Variants in ZNF395 observed in about 807,000 individuals in gnomAD.
ZNF395 encodes the protein zinc finger protein 395, also known as HD gene regulatory region-binding protein 2.
ZNF395 carries 20 observed loss-of-function variants against 57.7 expected under a neutral mutation model. The ratio of observed to expected loss-of-function variants is 0.35; its 90% CI spans 0.24 to 0.50. The LOEUF is 0.50. ZNF395 is among the 20% of genes least tolerant of loss of function. The probability of loss-of-function intolerance (pLI) is 0.97; values close to 1 mark genes in which losing one functional copy is unlikely to be tolerated. For missense variants in ZNF395, 606 were observed against 671.2 expected, an observed-to-expected ratio of 0.90 and a Z score of 1.07; for synonymous variants, 295 against 275.9, an observed-to-expected ratio of 1.07 and a Z score of -0.69.
chr8:28,358,751 A>G (rs541828074), intron 3 of ZNF395, among the ~76,000 whole-genome samples: 2 of 152,332 alleles, frequency 1.3e-5, no homozygotes, highest in African/African-American at 4.8e-5. Context: ...TAAAAGAAGG[A>G]TATAATTTCT....
chr8:28,384,602 G>GA (rs1563344804), intron 1 of ZNF395, among the ~76,000 whole-genome samples: 1 of 152,080 alleles, frequency 6.6e-6, no homozygotes, highest in Non-Finnish European at 1.5e-5. Context: ...CTCTCTCCCC[G>GA]AGACAGGTAT....
At position 28,352,658 on chromosome 8, in the gene ZNF395, T is replaced by A. The variant is rs988418644; in HGVS notation, c.835A>T (p.Met279Leu). 3 of 1,613,946 alleles carry A rather than the reference T, an allele frequency of 1.9e-6. No homozygotes were observed. Among genetic ancestry groups the A allele is most frequent in the Admixed American group, 1.7e-5 (1 of 60,002 alleles). Residue 279 changes from methionine (M) to leucine (L), a missense_variant, in exon 6 of 10, where the codon ATG (methionine) becomes TTG (leucine). Met to Leu is a conservative substitution (Grantham distance 15). Around this residue, in one of 3 missense-constraint regions of ZNF395, gnomAD observed 309 missense variants for 374.7 expected, o/e 0.82. Transcript: ENST00000344423. The surrounding 1 kb of genome is among the most constrained non-coding windows in gnomAD (Gnocchi z 4.0). ...PRKRKNSVKV[M>L]YKCLWPNCGK... is the part of the protein sequence containing the mutation. Reference sequence around the variant, plus strand: ...CAGTTTGGCCACAGGCACTTGTACATCACCTTCACAGAGTTCTACAGGAAA... The same window carrying A: ...CAGTTTGGCCACAGGCACTTGTACAACACCTTCACAGAGTTCTACAGGAAA...
At chr8:28,380,731 A>G (rs573315020) in intron 1 of ZNF395, among the ~76,000 whole-genome samples, 36 of 152,348 alleles carry the variant, frequency 2.4e-4, no homozygotes, top group Non-Finnish European at 4.6e-4. Flanking sequence ...AAACCACCAT[A>G]TAAGACAGGA....
intron 1 of ZNF395, among the ~76,000 whole-genome samples, chr8:28,381,147 T>C (rs763931453): frequency 1.3e-5 from 2 of 151,954 alleles, no homozygotes; most frequent in East Asian, 3.9e-4. Flanking sequence ...GTTCATGCCA[T>C]TCTCTTGCCT....
intron 7 of ZNF395, among the ~76,000 whole-genome samples, chr8:28,350,427 C>T (rs531783711): frequency 6.6e-6 from 1 of 152,298 alleles, no homozygotes; most frequent in African/African-American, 2.4e-5. Context: ...ACTTAATCAC[C>T]GCAGAAGATT....
intron 1 of ZNF395, among the ~76,000 whole-genome samples, chr8:28,373,367 T>C (rs1375619128): frequency 6.6e-6 from 1 of 152,234 alleles, no homozygotes; most frequent in East Asian, 1.9e-4. Flanking sequence ...GAGATAGAGA[T>C]GAAGGCCAGA....
At position 28,356,838 on chromosome 8, in the gene ZNF395, T is replaced by C; in HGVS notation, c.474-59A>G. On this transcript the variant is annotated intron_variant, in intron 3 of 9. Coordinates refer to ENST00000344423, the MANE Select transcript of ZNF395 (RefSeq NM_018660.3). This position sits in a 1 kb window ranked among gnomAD's most constrained non-coding sequence, Gnocchi z 4.0. Reference sequence around the variant, plus strand: ...TCCTGGCATGGCGGGCCCATGGTCCTTGCAAAACGAGACACCACTTCTGGC... The same window carrying C: ...TCCTGGCATGGCGGGCCCATGGTCCCTGCAAAACGAGACACCACTTCTGGC... 1 of 1,392,132 alleles carries C rather than the reference T, an allele frequency of 7.2e-7. No individual in the cohort carries two copies. The highest frequency in any genetic ancestry group is 9.9e-7 in the Non-Finnish European group (1 of 1,009,410). 86.2% of individuals were successfully genotyped at this position (1,392,132 alleles called of 1,614,324 possible).
At position 28,359,648 on chromosome 8, in the gene ZNF395, G is replaced by A. The variant is rs1220985561; in HGVS notation, c.417C>T (p.Pro139=). The change falls in exon 3 of 10, where the codon CCC becomes CCT. Residue 139 remains proline (P), a synonymous_variant. Transcript: ENST00000344423. The surrounding 1 kb of genome is among the most constrained non-coding windows in gnomAD (Gnocchi z 4.7). ...GCCTGTAGGCCAGGGCCTGGGCTCC[G>A]GGCTCCAGGGGTGGTGCCTGGGGAC... ...GPCPQAPPLE[P]GAQALAYRPV... 1.5e-5 allele frequency: 24 copies of A among 1,612,756 alleles called. No homozygotes were observed. Among genetic ancestry groups the A allele is most frequent in the African/African-American group, 4.0e-5 (3 of 74,870 alleles).
At chr8:28,353,475 A>G (rs780811598) in intron 4 of ZNF395, 67 bp from the exon 5 acceptor site, 3 of 1,280,068 alleles carry the variant, frequency 2.3e-6, no homozygotes, top group Non-Finnish European at 3.2e-6. Context: ...CTCCCTTCTG[A>G]GCTTCGGTAA....
At chr8:28,384,340 C>T (rs1802145278) in intron 1 of ZNF395, among the ~76,000 whole-genome samples, 1 of 152,206 alleles carries the variant, frequency 6.6e-6, no homozygotes, top group Non-Finnish European at 1.5e-5. Flanking sequence ...AGGACATCTC[C>T]TTGTCTCTCT....
chr8:28,357,937 T>C (rs1801800563), intron 3 of ZNF395, among the ~76,000 whole-genome samples: 1 of 152,040 alleles, frequency 6.6e-6, no homozygotes. Flanking sequence ...ACATAGAAAT[T>C]AGGATATATA....
intron 3 of ZNF395, among the ~76,000 whole-genome samples, chr8:28,357,329 G>A (rs1234523896): frequency 6.6e-6 from 1 of 151,866 alleles, no homozygotes; most frequent in Non-Finnish European, 1.5e-5. Context: ...AATGTCAACA[G>A]AACCTACTAC....
At chr8:28,350,201 G>A in intron 7 of ZNF395, 45 bp from the exon 8 acceptor site, 2 of 1,518,310 alleles carry the variant, frequency 1.3e-6, no homozygotes, top group Non-Finnish European at 1.8e-6. Context: ...CTCAGGAAGT[G>A]TTCAGAGTCT....
rs528905864 is a variant in ZNF395, at chr8:28,359,231, T to C, written c.473+361A>G. Among the ~76,000 whole-genome samples the C allele has an allele frequency of 3.2e-4, 49 of 152,142 alleles. 1 individual carries two copies. Among genetic ancestry groups the C allele is most frequent in the African/African-American group, 1.2e-3 (49 of 41,488 alleles). On this transcript the variant is annotated intron_variant, in intron 3 of 9. Coordinates refer to ENST00000344423, the MANE Select transcript of ZNF395 (RefSeq NM_018660.3). This position sits in a 1 kb window ranked among gnomAD's most constrained non-coding sequence, Gnocchi z 4.7. ...GACCAATAAATATGGTGAAACCCCA[T>C]CTCTACCAAAAAATACAAAAATTAG...
chr8:28,377,894 G>A (rs1312145326), intron 1 of ZNF395, among the ~76,000 whole-genome samples: 3 of 151,130 alleles, frequency 2.0e-5, no homozygotes, highest in Admixed American at 6.6e-5. Flanking sequence ...AGTAGCTGGT[G>A]TTACAGGCAA....
At position 28,360,979 on chromosome 8, in the gene ZNF395, G is replaced by A; in HGVS notation, c.146C>T (p.Ser49Phe). Residue 49 changes from serine (S) to phenylalanine (F), a missense_variant, in exon 2 of 10, where the codon TCT (serine) becomes TTT (phenylalanine). Ser to Phe is a radical substitution (Grantham distance 155, BLOSUM62 -2). This residue lies in a region of ZNF395 where 309 missense variants were observed against 374.7 expected (regional missense o/e 0.82). Coordinates refer to ENST00000344423, the MANE Select transcript of ZNF395 (RefSeq NM_018660.3). ...CTGCTCCTGGCAGGGGGTGTCATCA[G>A]AGGTGGTGAAAGGCTGGGGAGCGGC... ...EGAAPQPFTT[S>F]DDTPCQEQPK... is the part of the protein sequence containing the mutation. 2 of 1,613,178 alleles carry A rather than the reference G, an allele frequency of 1.2e-6. No individual in the cohort carries two copies. Among genetic ancestry groups the A allele is most frequent in the Non-Finnish European group, 8.5e-7 (1 of 1,179,536 alleles).
intron 1 of ZNF395, among the ~76,000 whole-genome samples, chr8:28,371,259 C>A (rs547902135): frequency 1.3e-5 from 2 of 152,222 alleles, no homozygotes; most frequent in East Asian, 1.9e-4. Flanking sequence ...CAGCTCACTG[C>A]GGCCTTGACC....
At chr8:28,354,022 G>T (rs1801750936) in intron 4 of ZNF395, among the ~76,000 whole-genome samples, 1 of 152,248 alleles carries the variant, frequency 6.6e-6, no homozygotes, top group Non-Finnish European at 1.5e-5. Flanking sequence ...TCTCAGGAGG[G>T]TGCACAACAT....
chr8:28,346,549 C>T lies in ZNF395; in HGVS notation c.*2170G>A, dbSNP rs933020139. 2.0e-5 allele frequency: 3 copies of T among 152,308 alleles called. No individual in the cohort carries two copies. The highest frequency in any genetic ancestry group is 7.2e-5 in the African/African-American group (3 of 41,450). The allele number at this position is 152,308 out of a possible 1,614,324, so 9.4% of individuals were successfully genotyped here. On this transcript the variant is annotated 3_prime_UTR_variant, in exon 10 of 10. Transcript: ENST00000344423. ...CCGTGGTTTCCACACTGCTCTCTCC[C>T]TTTATTCCTCTCTTTCCTGCCCTGT... is the stretch of plus-strand genomic sequence containing the variant.
Sources: gnomAD v4.1 joint callset for allele counts (sites outside exome capture counted in the v4.1 genomes callset) on GRCh38, gnomAD v4.1.1 for gene constraint, gnomAD v4.1.1 regional missense constraint, Gnocchi (gnomAD v3.1) non-coding constraint, MANE v1.5 for transcripts, NCBI Gene and HGNC (gene_info 2026-07-23, HGNC 2026-07-21) for gene names.